Variants in LGMN observed in about 807,000 individuals in gnomAD.
LGMN encodes asparaginyl endopeptidase.
LGMN carries 36 observed loss-of-function variants against 56.8 expected under a neutral mutation model. That is an observed-to-expected ratio of 0.63 (90% CI 0.49 to 0.84). The LOEUF (loss-of-function observed/expected upper bound fraction) is 0.84, where lower values mean the gene tolerates loss of function less well. Ranked by LOEUF, LGMN falls within the 40% of genes least tolerant of loss-of-function variation. The probability of loss-of-function intolerance (pLI) is 0.00; values close to 1 mark genes in which losing one functional copy is unlikely to be tolerated. For synonymous variants in LGMN, 199 were observed against 210.1 expected (o/e 0.95, Z 0.46); for missense variants, 446 against 556.1 (o/e 0.80, Z 1.99).
chr14:92,705,855 T>TGA (rs1336295483), intron 12 of LGMN, among the ~76,000 whole-genome samples: 1 of 152,118 alleles, frequency 6.6e-6, no homozygotes, highest in Admixed American at 6.6e-5. Context: ...CTGGAACTCC[T>TGA]GACTTCAGGT....
At chr14:92,707,981 G>A (rs1412941688) in intron 11 of LGMN, among the ~76,000 whole-genome samples, 4 of 151,734 alleles carry the variant, frequency 2.6e-5, no homozygotes, top group African/African-American at 9.7e-5. Context: ...GTGAAACCCC[G>A]TCTCTACTAA....
chr14:92,708,381 T>C (rs1889554849), intron 11 of LGMN, among the ~76,000 whole-genome samples: 1 of 151,998 alleles, frequency 6.6e-6, no homozygotes, highest in Admixed American at 6.5e-5. Flanking sequence ...GAAGATCACT[T>C]GAGCTCAGGA....
In LGMN at chr14:92,704,195, C is replaced by G; in HGVS notation, c.*124G>C. On this transcript the variant is annotated 3_prime_UTR_variant, in exon 14 of 14. Transcript: ENST00000334869. ...TGTGAAGAAGGTCCTGGAGCGAGCC[C>G]TGGAGCGGGGGCTCCCCAGGAGGGC... 8.0e-7 allele frequency: 1 copy of G among 1,255,406 alleles called. No individual in the cohort carries two copies. Among genetic ancestry groups the G allele is most frequent in the Non-Finnish European group, 1.2e-6 (1 of 855,230 alleles). 77.8% of individuals were successfully genotyped at this position (1,255,406 alleles called of 1,614,324 possible).
intron 11 of LGMN, among the ~76,000 whole-genome samples, chr14:92,707,567 A>G (rs1379264024): frequency 6.6e-6 from 1 of 152,250 alleles, no homozygotes. Context: ...GACACAAAAG[A>G]GATACTCCCA....
At chr14:92,722,179 T>C (rs904240338) in intron 2 of LGMN, among the ~76,000 whole-genome samples, 2 of 152,148 alleles carry the variant, frequency 1.3e-5, no homozygotes, top group Non-Finnish European at 2.9e-5. Context: ...GTATAATTTT[T>C]TTTTTTTTAG....
At chr14:92,734,635 G>A (rs1299031582) in intron 1 of LGMN, among the ~76,000 whole-genome samples, 3 of 148,518 alleles carry the variant, frequency 2.0e-5, no homozygotes, top group Non-Finnish European at 3.0e-5. Context: ...GCAAGACTCC[G>A]TCTCAAAAAA....
intron 5 of LGMN, 93 bp downstream of exon 5, chr14:92,716,043 C>T: frequency 1.2e-6 from 1 of 814,720 alleles, no homozygotes; most frequent in Non-Finnish European, 2.0e-6. Context: ...CACAGGTAAA[C>T]AGGCTAGGGG....
At chr14:92,719,158 GCCACCACCACCACCA>G (rs71123370) in intron 2 of LGMN, among the ~76,000 whole-genome samples, 3 of 96,320 alleles carry the variant, frequency 3.1e-5, no homozygotes, top group East Asian at 6.2e-4. Flanking sequence ...CACCGCCACT[GCCACCACCACCACCA>G]CCACCACCAT....
chr14:92,739,500 C>T (rs993846694), intron 1 of LGMN, among the ~76,000 whole-genome samples: 4 of 152,208 alleles, frequency 2.6e-5, no homozygotes, highest in Non-Finnish European at 4.4e-5. Context: ...GGACTGAGCA[C>T]CTGCTAGCTG....
intron 10 of LGMN, among the ~76,000 whole-genome samples, chr14:92,711,275 G>C (rs1889753040): frequency 6.6e-6 from 1 of 152,212 alleles, no homozygotes; most frequent in South Asian, 2.1e-4. Context: ...GTGGCTGTGG[G>C]ACAATCTACA....
intron 1 of LGMN, among the ~76,000 whole-genome samples, chr14:92,739,947 GA>G (rs553100413): frequency 1.3e-3 from 202 of 152,306 alleles, no homozygotes; most frequent in African/African-American, 4.7e-3. Flanking sequence ...CCAGCCAGGG[GA>G]GATCAGAGAG....
chr14:92,704,323 T>C lies in LGMN; in HGVS notation c.1298A>G (p.Tyr433Cys), dbSNP rs763010046. The C allele has an allele frequency of 3.3e-5, 53 of 1,613,860 alleles. No individual in the cohort carries two copies. Among genetic ancestry groups the C allele is most frequent in the Non-Finnish European group, 4.2e-5 (49 of 1,179,920 alleles). Residue 433 changes from tyrosine to cysteine, a missense_variant, in exon 14 of 14, where the codon TAC becomes TGC. Coordinates refer to ENST00000334869, the MANE Select transcript of LGMN (RefSeq NM_005606.7). ...AAGCTTCCAGGAGGCAGCTCTTCAGTAGTGACCAAGGCACACGTGGTCCAT... is the reference window on the plus strand; with the variant it reads ...AAGCTTCCAGGAGGCAGCTCTTCAGCAGTGACCAAGGCACACGTGGTCCAT... ...LSMDHVCLGHY is the reference protein window; with the variant it reads ...LSMDHVCLGHC
chr14:92,719,404 G>A (rs115464693), intron 2 of LGMN, among the ~76,000 whole-genome samples: 2,173 of 143,062 alleles, frequency 0.015, 114 homozygotes, highest in African/African-American at 0.054. Flanking sequence ...CACCAACACC[G>A]CCACCACTAC....
At chr14:92,724,899 C>T (rs1890668291) in intron 2 of LGMN, among the ~76,000 whole-genome samples, 1 of 152,208 alleles carries the variant, frequency 6.6e-6, no homozygotes, top group Admixed American at 6.5e-5. Context: ...GCCAGCCCTG[C>T]TCACCTGCCA....
chr14:92,718,231 AC>A (rs1890169465), intron 3 of LGMN, among the ~76,000 whole-genome samples: 2 of 152,114 alleles, frequency 1.3e-5, no homozygotes, highest in African/African-American at 4.8e-5. Context: ...ACCAGCACCC[AC>A]TTCCTATGTC....
chr14:92,744,559 T>C (rs1885978661), intron 1 of LGMN, among the ~76,000 whole-genome samples: 1 of 152,126 alleles, frequency 6.6e-6, no homozygotes, highest in African/African-American at 2.4e-5. Flanking sequence ...TACAGAGTAA[T>C]GACTTTATCT....
At chr14:92,721,071 C>T (rs1445779333) in intron 2 of LGMN, among the ~76,000 whole-genome samples, 1 of 151,854 alleles carries the variant, frequency 6.6e-6, no homozygotes, top group South Asian at 2.1e-4. Context: ...CTAAAATGTT[C>T]TGTAGAGTCA....
chr14:92,712,723 G>A (rs1159060916), intron 8 of LGMN, 82 bp downstream of exon 8: 7 of 1,342,444 alleles, frequency 5.2e-6, no homozygotes, highest in Admixed American at 3.7e-5. Flanking sequence ...CCCTGCTTAC[G>A]GAGAATGCTC....
At chr14:92,721,948 T>A (rs1343919766) in intron 2 of LGMN, among the ~76,000 whole-genome samples, 1 of 152,148 alleles carries the variant, frequency 6.6e-6, no homozygotes, top group Non-Finnish European at 1.5e-5. Flanking sequence ...TAGATGACTC[T>A]TGGGAACATA....
Sources: allele counts gnomAD v4.1 joint callset (sites outside exome capture counted in the v4.1 genomes callset), GRCh38; gene constraint gnomAD v4.1.1; transcripts MANE v1.5; gene names NCBI Gene and HGNC (gene_info 2026-07-23, HGNC 2026-07-21).